The following SLC25A21 variants were observed in gnomAD, a reference collection of about 807,000 sequenced individuals.
SLC25A21 encodes the protein solute carrier family 25 member 21.
A neutral mutation model predicts 43.8 loss-of-function variants in SLC25A21; 47 were observed. The observed-to-expected ratio is 1.07, with a 90% CI of 0.85 to 1.37. The LOEUF (loss-of-function observed/expected upper bound fraction) is 1.37, where lower values mean the gene tolerates loss of function less well. SLC25A21 is among the 40% of genes most tolerant of loss of function. The probability of loss-of-function intolerance (pLI) is 0.00; values close to 1 mark genes in which losing one functional copy is unlikely to be tolerated. For synonymous variants in SLC25A21, 131 were observed against 121.3 expected (o/e 1.08, Z -0.52); for missense variants, 352 against 350.2 (o/e 1.00, Z -0.04).
At chr14:36,783,080 T>C (rs930267111) in intron 3 of SLC25A21, among the ~76,000 whole-genome samples, 10 of 151,954 alleles carry the variant, frequency 6.6e-5, no homozygotes, top group Non-Finnish European at 1.3e-4. Context: ...GAGTCTTTCA[T>C]AGGTTTTCTC....
At chr14:36,794,880 TATTA>T (rs34997599) in intron 3 of SLC25A21, among the ~76,000 whole-genome samples, 30,727 of 151,900 alleles carry the variant, frequency 0.2, 3,231 homozygotes, top group Middle Eastern at 0.27. Flanking sequence ...AAAGTAAAAA[TATTA>T]ATTAAAATCT....
chr14:36,694,248 C>T (rs1014062358), intron 7 of SLC25A21, among the ~76,000 whole-genome samples: 1 of 152,118 alleles, frequency 6.6e-6, no homozygotes, highest in African/African-American at 2.4e-5. Context: ...GAACTCATCC[C>T]TTTTTATGGC....
intron 1 of SLC25A21, among the ~76,000 whole-genome samples, chr14:37,048,550 A>G (rs1961638096): frequency 6.6e-6 from 1 of 152,250 alleles, no homozygotes; most frequent in African/African-American, 2.4e-5. Flanking sequence ...ATTATTCAAC[A>G]GATTCAAAAA....
At chr14:36,920,348 A>G (rs1458282992) in intron 1 of SLC25A21, among the ~76,000 whole-genome samples, 1 of 152,072 alleles carries the variant, frequency 6.6e-6, no homozygotes, top group African/African-American at 2.4e-5. Flanking sequence ...TTATATTTTT[A>G]AGCATATAGA....
chr14:37,090,418 C>A (rs146740251), intron 1 of SLC25A21, among the ~76,000 whole-genome samples: 2 of 152,216 alleles, frequency 1.3e-5, no homozygotes, highest in African/African-American at 4.8e-5. Context: ...GGTCTCAACG[C>A]TGGTGATATG....
intron 3 of SLC25A21, among the ~76,000 whole-genome samples, chr14:36,785,610 G>A (rs1254263558): frequency 6.6e-6 from 1 of 152,202 alleles, no homozygotes; most frequent in Non-Finnish European, 1.5e-5. Flanking sequence ...AATATGAAAA[G>A]TGGGTTATAC....
At chr14:37,109,678 C>A (rs1282001839) in intron 1 of SLC25A21, among the ~76,000 whole-genome samples, 1 of 152,178 alleles carries the variant, frequency 6.6e-6, no homozygotes, top group South Asian at 2.1e-4. Flanking sequence ...ACTGCCCATG[C>A]ACAATCTAGT....
At chr14:36,815,369 A>G (rs1888419999) in intron 2 of SLC25A21, among the ~76,000 whole-genome samples, 2 of 152,108 alleles carry the variant, frequency 1.3e-5, no homozygotes, top group Non-Finnish European at 1.5e-5. Flanking sequence ...AGGGCCTAAT[A>G]TTAATCCTGA....
At chr14:36,722,824 A>G (rs1389176808) in intron 6 of SLC25A21, among the ~76,000 whole-genome samples, 1 of 152,166 alleles carries the variant, frequency 6.6e-6, no homozygotes, top group African/African-American at 2.4e-5. Flanking sequence ...CATTACTTTT[A>G]TGCTTGGATT....
chr14:37,000,466 G>A (rs1960463390), intron 1 of SLC25A21, among the ~76,000 whole-genome samples: 1 of 152,082 alleles, frequency 6.6e-6, no homozygotes, highest in African/African-American at 2.4e-5. Flanking sequence ...CCTACTCATT[G>A]TGTTCCAGGC....
At chr14:37,024,274 C>G (rs960797859) in intron 1 of SLC25A21, among the ~76,000 whole-genome samples, 2 of 152,020 alleles carry the variant, frequency 1.3e-5, no homozygotes, top group Admixed American at 1.3e-4. Context: ...CTGAACATAT[C>G]CTACACCTCT....
chr14:37,029,119 A>G (rs1961154119), intron 1 of SLC25A21, among the ~76,000 whole-genome samples: 1 of 152,174 alleles, frequency 6.6e-6, no homozygotes, highest in Non-Finnish European at 1.5e-5. Context: ...TCATATTCAG[A>G]GTTTTGATTC....
intron 3 of SLC25A21, 101 bp from the exon 4 acceptor site, chr14:36,734,674 T>C: frequency 1.2e-6 from 1 of 817,192 alleles, no homozygotes; most frequent in Non-Finnish European, 2.0e-6. Flanking sequence ...TTATTCAACA[T>C]AGCACACCAA....
At chr14:37,083,379 A>C (rs1260711790) in intron 1 of SLC25A21, among the ~76,000 whole-genome samples, 1 of 152,202 alleles carries the variant, frequency 6.6e-6, no homozygotes, top group Non-Finnish European at 1.5e-5. Flanking sequence ...GTTTTATCTA[A>C]TAATTATTAC....
intron 1 of SLC25A21, among the ~76,000 whole-genome samples, chr14:37,024,007 G>C (rs1052158788): frequency 1.3e-5 from 2 of 152,062 alleles, no homozygotes; most frequent in African/African-American, 4.8e-5. Flanking sequence ...CTGACAAATT[G>C]TAATTCAGGA....
chr14:36,682,003 T>G (rs1364201830), intron 9 of SLC25A21, among the ~76,000 whole-genome samples: 1 of 152,166 alleles, frequency 6.6e-6, no homozygotes, highest in African/African-American at 2.4e-5. Context: ...CTAGTAACAG[T>G]TGAGGTTTAA....
chr14:36,889,675 T>C (rs960763693), intron 1 of SLC25A21, among the ~76,000 whole-genome samples: 1 of 151,890 alleles, frequency 6.6e-6, no homozygotes, highest in Non-Finnish European at 1.5e-5. Flanking sequence ...ATTTTTTTTG[T>C]AGAGACAGGG....
rs908346824 is a variant in SLC25A21, at chr14:36,680,121, A to ATTCT, written c.*533_*536dup. ...TAACATAGTATTCATAAAATTAAAC[A>ATTCT]TTCTTAAAAGGTCATTTTAGTGCAC... On this transcript the variant is annotated 3_prime_UTR_variant, in exon 10 of 10. Coordinates refer to ENST00000331299, the MANE Select transcript of SLC25A21 (RefSeq NM_030631.4). The ATTCT allele has an allele frequency of 4.6e-6, 4 of 878,036 alleles. No individual in the cohort carries two copies. The African/African-American group carries it at 7.3e-5, about 16-fold the overall frequency. The allele number at this position is 878,036 out of a possible 1,614,324, so 54.4% of individuals were successfully genotyped here. A position where few individuals can be genotyped will look rare whatever the true frequency, so the allele number is the denominator to read the frequency against.
chr14:36,823,408 TACC>T (rs1888706223), intron 2 of SLC25A21, among the ~76,000 whole-genome samples: 1 of 152,188 alleles, frequency 6.6e-6, no homozygotes, highest in African/African-American at 2.4e-5. Context: ...ATTATAGTGC[TACC>T]ACTCTTTGAA....
Sources: gnomAD v4.1 joint callset for allele counts (sites outside exome capture counted in the v4.1 genomes callset) on GRCh38, gnomAD v4.1.1 for gene constraint, MANE v1.5 for transcripts, NCBI Gene and HGNC (gene_info 2026-07-23, HGNC 2026-07-21) for gene names.